The following LPA variants were observed in gnomAD, a reference collection of about 807,000 sequenced individuals.
LPA encodes the protein lipoprotein(a).
In LPA, 199 loss-of-function variants were observed where a neutral mutation model predicts 197.9. The observed-to-expected ratio is 1.01, with a 90% CI of 0.90 to 1.13. The LOEUF (loss-of-function observed/expected upper bound fraction) is 1.13, where lower values mean the gene tolerates loss of function less well. Ranked by LOEUF, LPA falls within the 50% of genes most tolerant of loss-of-function variation. LPA has a pLI of 0.00. For missense variants in LPA, 1,853 were observed against 1,785.8 expected, an observed-to-expected ratio of 1.04 and a Z score of -0.68; for synonymous variants, 715 against 639.5, an observed-to-expected ratio of 1.12 and a Z score of -1.78.
In LPA at chr6:160,586,456, A is replaced by G; in HGVS notation, c.4122T>C (p.Ser1374=). The G allele has an allele frequency of 6.2e-7, 1 of 1,613,542 alleles. No homozygotes were observed. The highest frequency in any genetic ancestry group is 8.5e-7 in the Non-Finnish European group (1 of 1,179,584). ...VVPVPSTELP[S]EEAPTENSTG... ...TGACTGCAGGCTTCTTACCTTCTTC[A>G]GAAGGAAGCTCTGTGCTTGGAACTG... The change falls in exon 25 of 39, where the codon TCT becomes TCC. Residue 1374 remains serine (S), a synonymous_variant. Coordinates refer to ENST00000316300, the MANE Select transcript of LPA (RefSeq NM_005577.4).
intron 16 of LPA, among the ~76,000 whole-genome samples, chr6:160,609,391 A>AT (rs1164156363): frequency 2.0e-5 from 3 of 152,100 alleles, no homozygotes; most frequent in Non-Finnish European, 2.9e-5. Flanking sequence ...AGGTGAACGC[A>AT]TTAGCAATTT....
chr6:160,647,344 A>G (rs1433377561), intron 2 of LPA, among the ~76,000 whole-genome samples: 5 of 152,314 alleles, frequency 3.3e-5, no homozygotes, highest in African/African-American at 9.6e-5. Context: ...ATGCCTCCCA[A>G]GAACGTTGCT....
intron 28 of LPA, among the ~76,000 whole-genome samples, chr6:160,559,906 C>T (rs1446718718): frequency 6.6e-6 from 1 of 152,226 alleles, no homozygotes; most frequent in East Asian, 1.9e-4. Flanking sequence ...CCATCATCTA[C>T]ATTAGGTATT....
chr6:160,576,367 CATATATATATATAT>C (rs1158223888), intron 28 of LPA, among the ~76,000 whole-genome samples: 2 of 78,012 alleles, frequency 2.6e-5, no homozygotes, highest in South Asian at 4.4e-4. Flanking sequence ...TATATATATA[CATATATATATATAT>C]ATATATATGT....
intron 17 of LPA, among the ~76,000 whole-genome samples, chr6:160,605,588 A>G (rs1779332585): frequency 6.6e-6 from 1 of 152,186 alleles, no homozygotes. Context: ...GCAAAGCACG[A>G]TGCATTTGGG....
intron 16 of LPA, 48 bp from the exon 17 acceptor site, chr6:160,606,706 A>G: frequency 1.2e-6 from 2 of 1,602,396 alleles, no homozygotes; most frequent in Non-Finnish European, 1.7e-6. Flanking sequence ...GACAATATGC[A>G]GGGGCACCCC....
At chr6:160,603,734 C>G (rs1252868601) in intron 18 of LPA, among the ~76,000 whole-genome samples, 10 of 152,176 alleles carry the variant, frequency 6.6e-5, no homozygotes, top group African/African-American at 2.2e-4. Flanking sequence ...TGTTGTTTAC[C>G]TCTAAAGAGG....
intron 30 of LPA, among the ~76,000 whole-genome samples, chr6:160,550,982 TA>T (rs1778158815): frequency 6.6e-6 from 1 of 152,212 alleles, no homozygotes; most frequent in African/African-American, 2.4e-5. Context: ...TTATAAAAAA[TA>T]AAGCTGCTAT....
rs546069834 is a variant in LPA, at chr6:160,596,750, T to C, written c.3288-1215A>G. ...GTACTCAAAGGTCCTCAGGTTTCTC[T>C]AGACTACACTTTGAGAATTGCAGTT... On this transcript the variant is annotated intron_variant, in intron 20 of 38. Transcript: ENST00000316300. 3.9e-5 allele frequency among the ~76,000 whole-genome samples: 6 copies of C among 152,338 alleles called. No homozygotes were observed. The East Asian group carries it at 7.7e-4, about 20-fold the overall frequency.
intron 1 of LPA, among the ~76,000 whole-genome samples, chr6:160,656,116 A>G (rs889978262): frequency 2.0e-5 from 3 of 152,172 alleles, no homozygotes; most frequent in Non-Finnish European, 4.4e-5. Context: ...AAAATAATCC[A>G]CCATCATTTT....
intron 7 of LPA, among the ~76,000 whole-genome samples, chr6:160,634,787 G>C (rs1317606849): frequency 6.6e-6 from 1 of 150,588 alleles, no homozygotes; most frequent in Non-Finnish European, 1.5e-5. Context: ...CCCCAGAAAA[G>C]CTTACTGCGA....
chr6:160,598,964 T>A (rs1324889446), intron 20 of LPA, among the ~76,000 whole-genome samples: 3 of 152,192 alleles, frequency 2.0e-5, no homozygotes, highest in Non-Finnish European at 4.4e-5. Context: ...TCATTTGTCA[T>A]CCCGGCTGTT....
intron 32 of LPA, among the ~76,000 whole-genome samples, 159 bp from the exon 33 acceptor site, chr6:160,545,692 T>C (rs1778057809): frequency 6.6e-6 from 1 of 152,148 alleles, no homozygotes; most frequent in African/African-American, 2.4e-5. Context: ...GTTATTTCTT[T>C]CTATGCTGTA....
intron 2 of LPA, among the ~76,000 whole-genome samples, chr6:160,646,764 G>C (rs1388876642): frequency 6.9e-6 from 1 of 144,902 alleles, no homozygotes; most frequent in African/African-American, 2.6e-5. Flanking sequence ...TTGTGGGATT[G>C]TGTATTCACA....
Position 160,548,623 on chromosome 6 carries a change from G to A in LPA, c.5010C>T (p.Ala1670=), listed in dbSNP as rs762273541. The A allele has an allele frequency of 3.0e-5, 48 of 1,613,914 alleles. No individual in the cohort carries two copies. Among genetic ancestry groups the A allele is most frequent in the Admixed American group, 3.3e-5 (2 of 59,994 alleles). Residue 1670 remains alanine, a synonymous_variant, in exon 31 of 39, where the codon GCC becomes GCT. Coordinates refer to ENST00000316300, the MANE Select transcript of LPA (RefSeq NM_005577.4). ...LTMNYCRNPD[A]DTGPWCFTMD... ...TGGTAAAACACCAAGGGCCTGTATC[G>A]GCATCTGGATTCCTGCAGTAGTTCA...
chr6:160,589,776 A>T (rs1445618971), intron 23 of LPA, 64 bp from the exon 24 acceptor site: 1 of 1,584,924 alleles, frequency 6.3e-7, no homozygotes, highest in African/African-American at 1.3e-5. Flanking sequence ...TGAGAAAAAA[A>T]ATCCATGATA....
At chr6:160,555,280 TTATATTA>T (rs1440787876) in intron 30 of LPA, among the ~76,000 whole-genome samples, 32 of 122,960 alleles carry the variant, frequency 2.6e-4, no homozygotes, top group African/African-American at 9.9e-4. Context: ...TTATATTATA[TTATATTA>T]TATGTTAGTG....
At chr6:160,561,711 G>A (rs1376394576) in intron 28 of LPA, among the ~76,000 whole-genome samples, 1 of 152,180 alleles carries the variant, frequency 6.6e-6, no homozygotes, top group East Asian at 1.9e-4. Flanking sequence ...AGCATGGAAT[G>A]TTTTTCCATT....
rs1477918756 is a variant in LPA, at chr6:160,573,716, A to G, written c.4631+3420T>C. Among the ~76,000 whole-genome samples, 3 of 152,168 alleles carry G rather than the reference A, an allele frequency of 2.0e-5. No homozygotes were observed. In the East Asian group the frequency reaches 5.8e-4, roughly 29 times the overall value. On this transcript the variant is annotated intron_variant, in intron 28 of 38. Transcript: ENST00000316300. ...GTCTTCTGGGTCTTGCCACCTAGCA[A>G]GTCTACCCAGCTCTGGGCTGGTACT...
Sources: gnomAD v4.1 joint callset for allele counts (sites outside exome capture counted in the v4.1 genomes callset) on GRCh38, gnomAD v4.1.1 for gene constraint, MANE v1.5 for transcripts, NCBI Gene and HGNC (gene_info 2026-07-23, HGNC 2026-07-21) for gene names.